The following CAMK1D variants were observed in gnomAD, a reference collection of about 807,000 sequenced individuals.
CAMK1D encodes calcium/calmodulin-dependent protein kinase type 1D.
In CAMK1D, 9 loss-of-function variants were observed where a neutral mutation model predicts 47.7. That is an observed-to-expected ratio of 0.19 (90% CI 0.11 to 0.33). The LOEUF is 0.33. Among genes scored for constraint, CAMK1D ranks in the 10% least tolerant of loss-of-function variants. The pLI, the probability that CAMK1D is intolerant of heterozygous loss-of-function variation, is 1.00. For missense variants in CAMK1D, 291 were observed against 488.7 expected, an observed-to-expected ratio of 0.60 and a Z score of 3.81; for synonymous variants, 184 against 184.9, an observed-to-expected ratio of 0.99 and a Z score of 0.04.
chr10:12,480,208 G>A (rs1364569823), intron 1 of CAMK1D, among the ~76,000 whole-genome samples: 2 of 152,076 alleles, frequency 1.3e-5, no homozygotes, highest in Non-Finnish European at 1.5e-5. Flanking sequence ...TCAGCACTTC[G>A]GGAGGCCGAG....
At chr10:12,689,654 TAATCCCAGCTACTCGGG>T (rs1832795394) in intron 3 of CAMK1D, among the ~76,000 whole-genome samples, 1 of 151,918 alleles carries the variant, frequency 6.6e-6, no homozygotes, top group African/African-American at 2.4e-5. Flanking sequence ...TGCATGCCTG[TAATCCCAGCTACTCGGG>T]AGGCTAAGGC....
chr10:12,662,627 C>T (rs1444447489), intron 2 of CAMK1D, among the ~76,000 whole-genome samples: 5 of 144,910 alleles, frequency 3.5e-5, no homozygotes, highest in Non-Finnish European at 7.6e-5. Flanking sequence ...ACTCCAGCCT[C>T]GGAGACAGAG....
chr10:12,402,311 T>G (rs112041774), intron 1 of CAMK1D, among the ~76,000 whole-genome samples: 1,687 of 151,944 alleles, frequency 0.011, 31 homozygotes, highest in African/African-American at 0.038. Context: ...ACAGCTCACT[T>G]CAGTCTCTAC....
intron 3 of CAMK1D, among the ~76,000 whole-genome samples, chr10:12,683,823 A>G (rs369153333): frequency 2.6e-5 from 4 of 151,196 alleles, no homozygotes; most frequent in Admixed American, 1.3e-4. Context: ...TAAATTCAAC[A>G]TTATACCTTT....
At chr10:12,368,229 TATTGTCCGGGCACAGTGGCTC>T (rs1432513269) in intron 1 of CAMK1D, among the ~76,000 whole-genome samples, 1 of 151,580 alleles carries the variant, frequency 6.6e-6, no homozygotes, top group Non-Finnish European at 1.5e-5. Flanking sequence ...ATAAAATGTT[TATTGTCCGGGCACAGTGGCTC>T]ATGCCTGTAC....
At chr10:12,754,576 T>C (rs905451117) in intron 3 of CAMK1D, among the ~76,000 whole-genome samples, 10 of 152,228 alleles carry the variant, frequency 6.6e-5, no homozygotes. Context: ...TGTATTTGTT[T>C]GGGCTAATGT....
intron 3 of CAMK1D, among the ~76,000 whole-genome samples, chr10:12,719,496 G>C (rs1411393387): frequency 6.6e-6 from 1 of 152,176 alleles, no homozygotes; most frequent in African/African-American, 2.4e-5. Flanking sequence ...CTTGTATCAA[G>C]AGAAATCTGG....
intron 2 of CAMK1D, among the ~76,000 whole-genome samples, chr10:12,582,366 G>A (rs980389523): frequency 1.3e-5 from 2 of 152,120 alleles, no homozygotes; most frequent in Admixed American, 6.5e-5. Context: ...CTTTGGCTAT[G>A]TGGACTCTTT....
At chr10:12,567,653 T>C (rs1837165579) in intron 2 of CAMK1D, among the ~76,000 whole-genome samples, 1 of 152,220 alleles carries the variant, frequency 6.6e-6, no homozygotes, top group African/African-American at 2.4e-5. Context: ...ATAATGCAGC[T>C]ATTTACTTTA....
At chr10:12,352,565 C>T (rs908620751) in intron 1 of CAMK1D, among the ~76,000 whole-genome samples, 13 of 151,376 alleles carry the variant, frequency 8.6e-5, no homozygotes, top group East Asian at 3.9e-4. Context: ...GTTGAGATTG[C>T]GCCACTGCCC....
chr10:12,547,684 A>T (rs72769695), intron 1 of CAMK1D, among the ~76,000 whole-genome samples: 65 of 57,680 alleles, frequency 1.1e-3, no homozygotes, highest in Middle Eastern at 0.032. Context: ...TCTCTCTCTC[A>T]CACACACACA....
intron 1 of CAMK1D, among the ~76,000 whole-genome samples, chr10:12,520,143 T>G (rs1220848501): frequency 1.4e-5 from 1 of 73,352 alleles, no homozygotes; most frequent in Admixed American, 1.4e-4. Flanking sequence ...ATGGGGTGGC[T>G]GCCGGACGGA....
intron 4 of CAMK1D, among the ~76,000 whole-genome samples, chr10:12,764,482 A>C (rs1836658795): frequency 7.8e-6 from 1 of 128,588 alleles, no homozygotes; most frequent in Non-Finnish European, 1.6e-5. Context: ...ATTGACCCAG[A>C]TGAATCTTTT....
At chr10:12,363,888 G>C (rs1209999711) in intron 1 of CAMK1D, among the ~76,000 whole-genome samples, 1 of 151,968 alleles carries the variant, frequency 6.6e-6, no homozygotes, top group African/African-American at 2.4e-5. Flanking sequence ...CCACCTCTTG[G>C]CTGTTGTGAA....
At chr10:12,824,406 G>A (rs1833124327) in intron 8 of CAMK1D, 59 bp from the exon 9 acceptor site, 1 of 1,447,596 alleles carries the variant, frequency 6.9e-7, no homozygotes, top group South Asian at 1.1e-5. Flanking sequence ...CCCTTTATGG[G>A]ACGCAGTGTC....
At chr10:12,794,311 A>C (rs1838100439) in intron 6 of CAMK1D, among the ~76,000 whole-genome samples, 1 of 152,194 alleles carries the variant, frequency 6.6e-6, no homozygotes, top group Non-Finnish European at 1.5e-5. Context: ...GAGCCAATTT[A>C]GAAGGGTGGG....
At chr10:12,534,213 T>C (rs2132227739) in intron 1 of CAMK1D, among the ~76,000 whole-genome samples, 1 of 152,308 alleles carries the variant, frequency 6.6e-6, no homozygotes, top group Non-Finnish European at 1.5e-5. Context: ...TGTCTATCAG[T>C]CAATCAATGT....
chr10:12,617,281 A>G (rs1039314806), intron 2 of CAMK1D, among the ~76,000 whole-genome samples: 4 of 152,338 alleles, frequency 2.6e-5, no homozygotes, highest in Admixed American at 6.5e-5. Context: ...TCACAACAAG[A>G]AAAGTAATGT....
intron 1 of CAMK1D, among the ~76,000 whole-genome samples, chr10:12,549,111 C>T (rs1300453574): frequency 6.6e-6 from 1 of 152,154 alleles, no homozygotes; most frequent in Non-Finnish European, 1.5e-5. Context: ...CCGCCTTGGC[C>T]TCCCAAAGTG....
Sources: allele counts gnomAD v4.1 joint callset (sites outside exome capture counted in the v4.1 genomes callset), GRCh38; gene constraint gnomAD v4.1.1; transcripts MANE v1.5; gene names NCBI Gene and HGNC (gene_info 2026-07-23, HGNC 2026-07-21).